Variants in RUNX3 observed in about 807,000 individuals in gnomAD.
RUNX3 encodes the protein RUNX family transcription factor 3, also known as runt-related transcription factor 3.
In RUNX3, 10 loss-of-function variants were observed where a neutral mutation model predicts 27.7. That is an observed-to-expected ratio of 0.36 (90% CI 0.22 to 0.61). RUNX3 has a LOEUF of 0.61. Among genes scored for constraint, RUNX3 ranks in the 20% least tolerant of loss-of-function variants. The probability of loss-of-function intolerance (pLI) is 0.72; values close to 1 mark genes in which losing one functional copy is unlikely to be tolerated. For missense variants in RUNX3, 469 were observed against 629.5 expected, an observed-to-expected ratio of 0.75 and a Z score of 2.73; for synonymous variants, 270 against 269.2, an observed-to-expected ratio of 1.00 and a Z score of -0.03.
chr1:24,901,044 T>TG lies in RUNX3; in HGVS notation c.*1077_*1078insC. 1.4e-5 allele frequency: 2 copies of TG among 146,928 alleles called. No homozygotes were observed. Among genetic ancestry groups the TG allele is most frequent in the African/African-American group, 5.2e-5 (2 of 38,490 alleles). The allele number at this position is 146,928 out of a possible 1,614,324, so 9.1% of individuals were successfully genotyped here. On this transcript the variant is annotated 3_prime_UTR_variant, in exon 5 of 5. Transcript: ENST00000308873. ...TTTTTTTTTGTTTTTTTGTTTTTTTTTTTTTTTTGCTCAGGACTATTTGCT... is the reference window on the plus strand; with the variant it reads ...TTTTTTTTTGTTTTTTTGTTTTTTTTGTTTTTTTTGCTCAGGACTATTTGCT...
intron 3 of RUNX3, among the ~76,000 whole-genome samples, chr1:24,911,400 G>A (rs1640793084): frequency 6.6e-6 from 1 of 152,226 alleles, no homozygotes; most frequent in Non-Finnish European, 1.5e-5. Context: ...TTGACAGCCA[G>A]CCTGGGTTCG....
At position 24,902,471 on chromosome 1, in the gene RUNX3, G is replaced by T. The variant is rs886103883; in HGVS notation, c.899C>A (p.Thr300Asn). The T allele has an allele frequency of 1.2e-6, 2 of 1,600,360 alleles. No homozygotes were observed. The highest frequency in any genetic ancestry group is 1.7e-4 in the Middle Eastern group (1 of 6,042). ...GAGGTAGGTATGGTGGAAGCGGCTG[G>T]TGGCCGGCATGCCCGCCACGCTGAG... ...SSLSVAGMPA[T>N]SRFHHTYLPP... Residue 300 changes from threonine to asparagine, a missense_variant, in exon 5 of 5, where the codon ACC becomes AAC. Transcript: ENST00000308873. This position sits in a 1 kb window ranked among gnomAD's most constrained non-coding sequence, Gnocchi z 9.2.
In RUNX3 at chr1:24,902,299, AGGTGAGC is replaced by A; in HGVS notation, c.1064_1070del (p.Arg355LeufsTer21). The A allele has an allele frequency of 6.2e-7, 1 of 1,604,322 alleles. No homozygotes were observed. The highest frequency in any genetic ancestry group is 8.5e-7 in the Non-Finnish European group (1 of 1,177,102). ...TGGTGCAAGAGGCCAGCATGCGGGT[AGGTGAGC>A]GGTCGCCCCCACTGCTGCTGCCGGC... On this transcript the variant is annotated frameshift_variant, in exon 5 of 5. Coordinates refer to ENST00000308873, the MANE Select transcript of RUNX3 (RefSeq NM_004350.3). LOFTEE classifies it high-confidence loss of function. This position sits in a 1 kb window ranked among gnomAD's most constrained non-coding sequence, Gnocchi z 9.2.
chr1:24,954,539 T>G (rs372908677), intron 2 of RUNX3, among the ~76,000 whole-genome samples: 2 of 152,188 alleles, frequency 1.3e-5, no homozygotes, highest in Non-Finnish European at 2.9e-5. Context: ...CTGTGGTCGC[T>G]GTCCTGAAAT....
At chr1:24,939,841 C>T (rs1641434732) in intron 2 of RUNX3, among the ~76,000 whole-genome samples, 1 of 152,218 alleles carries the variant, frequency 6.6e-6, no homozygotes, top group African/African-American at 2.4e-5. Context: ...TGCCCCACGG[C>T]AGCATGGGTG....
In RUNX3 at chr1:24,902,539, G is replaced by A; in HGVS notation, c.831C>T (p.Ala277=). Residue 277 remains alanine (A), a synonymous_variant, in exon 5 of 5, where the codon GCC becomes GCT. Coordinates refer to ENST00000308873, the MANE Select transcript of RUNX3 (RefSeq NM_004350.3). This position sits in a 1 kb window ranked among gnomAD's most constrained non-coding sequence, Gnocchi z 9.2. ...CCGAGGGCGTGGCGCTGTAGGGGAA[G>A]GCAGCTGACATGGCCCCGGGATAAT... The part of the protein sequence containing the change: ...RMHYPGAMSA[A]FPYSATPSGT... 6.3e-7 allele frequency: 1 copy of A among 1,592,486 alleles called. No individual in the cohort carries two copies. Among genetic ancestry groups the A allele is most frequent in the Non-Finnish European group, 8.6e-7 (1 of 1,164,188 alleles).
At position 24,927,770 on chromosome 1, in the gene RUNX3, GA is replaced by G; in HGVS notation, c.283-41del. The G allele has an allele frequency of 6.3e-7, 1 of 1,590,620 alleles. No homozygotes were observed. The highest frequency in any genetic ancestry group is 1.1e-5 in the South Asian group (1 of 90,722). On this transcript the variant is annotated intron_variant, in intron 1 of 4. Coordinates refer to ENST00000308873, the MANE Select transcript of RUNX3 (RefSeq NM_004350.3). This position sits in a 1 kb window ranked among gnomAD's most constrained non-coding sequence, Gnocchi z 5.0. Reference sequence around the variant, plus strand: ...CGGGGGGATGCAGGGGGACAGCTTAGAAAGGAAGAGGGTGACCAGGGAAAGG... The same window carrying G: ...CGGGGGGATGCAGGGGGACAGCTTAGAAGGAAGAGGGTGACCAGGGAAAGG...
At chr1:24,938,729 A>C (rs1641405577) in intron 2 of RUNX3, among the ~76,000 whole-genome samples, 2 of 152,160 alleles carry the variant, frequency 1.3e-5, no homozygotes, top group Admixed American at 1.3e-4. Flanking sequence ...CTCTGCCCTC[A>C]TGAATGGATT....
chr1:24,922,103 A>C (rs1641010755), intron 2 of RUNX3, among the ~76,000 whole-genome samples: 1 of 151,494 alleles, frequency 6.6e-6, no homozygotes, highest in South Asian at 2.1e-4. Context: ...GGTGAGCGCC[A>C]CCATGCCCGG....
chr1:24,941,370 CTCACCCGAG>C (rs1469224262), intron 2 of RUNX3, among the ~76,000 whole-genome samples: 1 of 152,234 alleles, frequency 6.6e-6, no homozygotes, highest in Non-Finnish European at 1.5e-5. Flanking sequence ...GTGCAGCAAC[CTCACCCGAG>C]GAGCCAGGCC....
chr1:24,961,159 A>AG (rs1194147923), intron 2 of RUNX3, among the ~76,000 whole-genome samples: 1 of 124,386 alleles, frequency 8.0e-6, no homozygotes, highest in Non-Finnish European at 1.7e-5. Flanking sequence ...AGAAACTGAG[A>AG]GGGGAGGGCT....
chr1:24,948,834 G>A (rs1038983272), intron 2 of RUNX3, among the ~76,000 whole-genome samples: 1 of 152,024 alleles, frequency 6.6e-6, no homozygotes, highest in Non-Finnish European at 1.5e-5. Context: ...CCTCTGGGAA[G>A]CTGGGACCCC....
chr1:24,931,836 A>C (rs1182696519), upstream of RUNX3, among the ~76,000 whole-genome samples: 1 of 152,050 alleles, frequency 6.6e-6, no homozygotes, highest in Non-Finnish European at 1.5e-5. Flanking sequence ...TGTCGAAAGG[A>C]AGGACGGCAA....
intron 3 of RUNX3, among the ~76,000 whole-genome samples, chr1:24,917,512 G>A (rs979591518): frequency 2.0e-5 from 3 of 152,164 alleles, no homozygotes; most frequent in African/African-American, 2.4e-5. Flanking sequence ...CTCCAGGTCC[G>A]CAGGGTGGGT....
At chr1:24,939,668 G>T (rs1641430365) in intron 2 of RUNX3, among the ~76,000 whole-genome samples, 2 of 152,256 alleles carry the variant, frequency 1.3e-5, no homozygotes, top group Admixed American at 6.5e-5. Flanking sequence ...CAATTCAGAG[G>T]CATGGACTTT....
chr1:24,958,272 T>C (rs1203912156), intron 2 of RUNX3, among the ~76,000 whole-genome samples: 2 of 152,208 alleles, frequency 1.3e-5, no homozygotes, highest in Non-Finnish European at 2.9e-5. Flanking sequence ...TGAATTAACA[T>C]GTCAGGTCAC....
At chr1:24,947,902 C>T (rs927900138) in intron 2 of RUNX3, among the ~76,000 whole-genome samples, 2 of 152,206 alleles carry the variant, frequency 1.3e-5, no homozygotes, top group Non-Finnish European at 2.9e-5. Context: ...TGTGTGCTTC[C>T]ACCAGGTGAG....
intron 2 of RUNX3, among the ~76,000 whole-genome samples, chr1:24,952,382 C>T (rs1249935453): frequency 6.6e-6 from 1 of 152,212 alleles, no homozygotes; most frequent in African/African-American, 2.4e-5. Flanking sequence ...TTTAGATCTC[C>T]ATGGCCCAAC....
chr1:24,963,740 G>A lies in RUNX3; in HGVS notation c.58+774C>T, dbSNP rs188927202. Among the ~76,000 whole-genome samples the A allele has an allele frequency of 4.6e-5, 7 of 152,232 alleles. No individual in the cohort carries two copies. The East Asian group carries it at 1.4e-3, about 29-fold the overall frequency. Reference sequence around the variant, plus strand: ...AGGCCAGGGTGCATCAGCCCTAAATGCCAGACAGAGGCAGGAGAAGTCTCC... The same window carrying A: ...AGGCCAGGGTGCATCAGCCCTAAATACCAGACAGAGGCAGGAGAAGTCTCC... On this transcript the variant is annotated intron_variant, in intron 2 of 6. Transcript: ENST00000338888.
Sources: allele counts gnomAD v4.1 joint callset (sites outside exome capture counted in the v4.1 genomes callset), GRCh38; gene constraint gnomAD v4.1.1; non-coding constraint Gnocchi (gnomAD v3.1); transcripts MANE v1.5; gene names NCBI Gene and HGNC (gene_info 2026-07-23, HGNC 2026-07-21).